Variants in ZNF407 observed in about 807,000 individuals in gnomAD.
The protein encoded by ZNF407 is zinc finger protein 407.
Under a neutral mutation model 131.2 loss-of-function variants are expected in ZNF407, and 17 were observed. The ratio of observed to expected loss-of-function variants is 0.13; its 90% confidence interval spans 0.09 to 0.19. The LOEUF is 0.19. ZNF407 is among the 10% of genes least tolerant of loss of function. ZNF407 has a pLI of 1.00. For missense variants in ZNF407, 2,681 were observed against 2,830.6 expected (o/e 0.95, Z 1.20); for synonymous variants, 1,156 against 1,062.0 (o/e 1.09, Z -1.72).
Position 75,023,401 on chromosome 18 carries a change from T to C in ZNF407, c.5429-39749T>C, listed in dbSNP as rs141886861. 5.9e-5 allele frequency among the ~76,000 whole-genome samples: 9 copies of C among 152,308 alleles called. No homozygotes were observed. The East Asian group carries it at 1.7e-3, about 29-fold the overall frequency. ...AACAGACATAATTATTATAAACTGG[T>C]ATTAGTGATATATCCTAATTATAAT... On this transcript the variant is annotated intron_variant, in intron 8 of 8. Coordinates refer to ENST00000299687, the MANE Select transcript of ZNF407 (RefSeq NM_017757.3).
chr18:74,897,922 T>C (rs1477496597), intron 7 of ZNF407: 1 of 152,198 alleles, frequency 6.6e-6, no homozygotes, highest in African/African-American at 2.4e-5. Context: ...AGAATAACTT[T>C]GAAGTATATA....
At chr18:75,029,610 TGTGTGCCTGG>T (rs760823880) in intron 8 of ZNF407, among the ~76,000 whole-genome samples, 5 of 151,754 alleles carry the variant, frequency 3.3e-5, no homozygotes, top group Non-Finnish European at 5.9e-5. Context: ...TGCATGGGTG[TGTGTGCCTGG>T]GTGTGCGTGG....
chr18:75,062,864 G>C, intron 8 of ZNF407: 1 of 272,154 alleles, frequency 3.7e-6, no homozygotes. Flanking sequence ...CTGGGCATTG[G>C]AGAGGCGCAC....
chr18:74,648,336 G>C (rs1985070938), intron 3 of ZNF407, among the ~76,000 whole-genome samples: 1 of 149,558 alleles, frequency 6.7e-6, no homozygotes, highest in Admixed American at 6.6e-5. Context: ...ACTTCTGGAG[G>C]CTGGATTGTG....
At chr18:74,757,748 C>G (rs1320155607) in intron 3 of ZNF407, among the ~76,000 whole-genome samples, 2 of 152,024 alleles carry the variant, frequency 1.3e-5, no homozygotes, top group African/African-American at 2.4e-5. Context: ...TTCAAGTCTC[C>G]AAATCTTATT....
rs769315881 is a variant in ZNF407 at position 74,634,677 on chromosome 18, T to G, written c.3658T>G (p.Ser1220Ala). Residue 1220 changes from serine to alanine, a missense_variant, in exon 2 of 9, where the codon TCG (serine) becomes GCG (alanine). By Grantham distance (99) the Ser-to-Ala change is moderately conservative. Transcript: ENST00000299687. ...CETAKKNHEI[S>A]NDAGELRVHC... ...GACAGCAAAGAAAAACCATGAGATA[T>G]CGAATGATGCAGGTGAGCTGCGTGT... 3.1e-6 allele frequency: 5 copies of G among 1,613,912 alleles called. No individual in the cohort carries two copies. In the African/African-American group the frequency reaches 5.3e-5, roughly 17 times the overall value.
At position 74,623,337 on chromosome 18, in the gene ZNF407, TG is replaced by T. The variant is rs1302536921; in HGVS notation, c.-53-7629del. ...GGGTAAGTGCATGTGTGAAACTGCA[TG>T]TGTGAGTGTGAGTGCGCGTGTGCGT... is the stretch of plus-strand genomic sequence containing the variant. On this transcript the variant is annotated intron_variant, in intron 1 of 8. Coordinates refer to ENST00000299687, the MANE Select transcript of ZNF407 (RefSeq NM_017757.3). Among the ~76,000 whole-genome samples, 1,113 of 151,640 alleles carry T rather than the reference TG, an allele frequency of 7.3e-3. 36 individuals carry two copies. The highest frequency in any genetic ancestry group is 0.061 in the Admixed American group (930 of 15,244).
chr18:74,620,100 A>G (rs1983455385), intron 1 of ZNF407, among the ~76,000 whole-genome samples: 1 of 151,942 alleles, frequency 6.6e-6, no homozygotes, highest in Non-Finnish European at 1.5e-5. Flanking sequence ...TTGAGTGGAG[A>G]ATATATTACA....
chr18:74,824,004 C>G (rs950453387), intron 4 of ZNF407, among the ~76,000 whole-genome samples: 1 of 152,132 alleles, frequency 6.6e-6, no homozygotes, highest in African/African-American at 2.4e-5. Flanking sequence ...GAAATCATAA[C>G]AAACAGTCTC....
chr18:74,787,227 T>C (rs1969736018), intron 4 of ZNF407, among the ~76,000 whole-genome samples: 2 of 152,212 alleles, frequency 1.3e-5, no homozygotes, highest in African/African-American at 4.8e-5. Context: ...AAATTTCTCT[T>C]ATACTGTATT....
At chr18:74,848,147 T>C (rs533210688) in intron 4 of ZNF407, among the ~76,000 whole-genome samples, 1 of 152,324 alleles carries the variant, frequency 6.6e-6, no homozygotes, top group African/African-American at 2.4e-5. Context: ...TTTTCCAGAC[T>C]TATTATATAT....
chr18:74,811,557 A>G (rs904229026), intron 4 of ZNF407, among the ~76,000 whole-genome samples: 3 of 152,170 alleles, frequency 2.0e-5, no homozygotes, highest in Non-Finnish European at 4.4e-5. Flanking sequence ...TCATGCTTCT[A>G]TAAAGACACA....
intron 3 of ZNF407, among the ~76,000 whole-genome samples, chr18:74,715,550 C>T (rs1019855923): frequency 2.0e-5 from 3 of 152,194 alleles, no homozygotes; most frequent in African/African-American, 7.2e-5. Context: ...CTGGCACTCA[C>T]TGGAGGACAG....
intron 3 of ZNF407, among the ~76,000 whole-genome samples, chr18:74,778,853 A>G (rs1969530930): frequency 6.6e-6 from 1 of 152,118 alleles, no homozygotes; most frequent in East Asian, 1.9e-4. Context: ...GTATGAAAGA[A>G]TGAGGATTTA....
At chr18:74,989,862 T>G (rs1972698192) in intron 8 of ZNF407, among the ~76,000 whole-genome samples, 1 of 151,812 alleles carries the variant, frequency 6.6e-6, no homozygotes, top group Admixed American at 6.6e-5. Context: ...AAAAAAATTC[T>G]ATTTCCTAAT....
chr18:74,770,388 C>A (rs963107362), intron 3 of ZNF407, among the ~76,000 whole-genome samples: 3 of 151,900 alleles, frequency 2.0e-5, no homozygotes, highest in Admixed American at 6.6e-5. Flanking sequence ...CAGAGGGAGT[C>A]CCTGTCTCAA....
intron 4 of ZNF407, among the ~76,000 whole-genome samples, chr18:74,821,196 G>T (rs1245730401): frequency 6.6e-6 from 1 of 151,674 alleles, no homozygotes; most frequent in African/African-American, 2.4e-5. Flanking sequence ...AGTTACTTTT[G>T]CACCAACCTA....
chr18:74,850,917 A>G (rs1473816570), intron 4 of ZNF407, among the ~76,000 whole-genome samples: 4 of 152,178 alleles, frequency 2.6e-5, no homozygotes, highest in African/African-American at 9.7e-5. Flanking sequence ...AAACTGCATT[A>G]GGCTCTCAAT....
chr18:74,815,970 A>G (rs772357413), intron 4 of ZNF407, among the ~76,000 whole-genome samples: 3 of 152,150 alleles, frequency 2.0e-5, no homozygotes, highest in African/African-American at 4.8e-5. Flanking sequence ...TCCAATCTCT[A>G]TGTAAAATGT....
Sources: allele counts gnomAD v4.1 joint callset (sites outside exome capture counted in the v4.1 genomes callset), GRCh38; gene constraint gnomAD v4.1.1; transcripts MANE v1.5; gene names NCBI Gene and HGNC (gene_info 2026-07-23, HGNC 2026-07-21).